Variants in KLRK1 observed in about 807,000 individuals in gnomAD.
KLRK1 encodes the protein killer cell lectin like receptor K1, also known as NKG2-D type II integral membrane protein.
In KLRK1, 40 loss-of-function variants were observed where a neutral mutation model predicts 31.3. That is an observed-to-expected ratio of 1.28 (90% CI 0.99 to 1.67). The LOEUF is 1.67. Ranked by LOEUF, KLRK1 falls within the 40% of genes most tolerant of loss-of-function variation. The pLI is 0.00. For synonymous variants in KLRK1, 77 were observed against 77.3 expected, an observed-to-expected ratio of 1.00 and a Z score of 0.02; for missense variants, 251 against 260.0, an observed-to-expected ratio of 0.97 and a Z score of 0.24.
At chr12:10,382,932 C>T (rs1863102561) in intron 3 of KLRK1, among the ~76,000 whole-genome samples, 1 of 151,864 alleles carries the variant, frequency 6.6e-6, no homozygotes. Flanking sequence ...AAGCTGTCAT[C>T]AGTATAAAAT....
intron 3 of KLRK1, among the ~76,000 whole-genome samples, chr12:10,385,599 G>C (rs1357959250): frequency 6.6e-6 from 1 of 152,000 alleles, no homozygotes; most frequent in Non-Finnish European, 1.5e-5. Context: ...GTTATTTAAG[G>C]CTAGAAAGAA....
chr12:10,386,454 G>T (rs1448841835), intron 3 of KLRK1, among the ~76,000 whole-genome samples: 1 of 151,824 alleles, frequency 6.6e-6, no homozygotes, highest in African/African-American at 2.4e-5. Flanking sequence ...CTATATAAAG[G>T]TCTATTACCA....
intron 2 of KLRK1, among the ~76,000 whole-genome samples, chr12:10,387,959 G>C (rs1013382207): frequency 2.0e-5 from 3 of 152,042 alleles, no homozygotes; most frequent in African/African-American, 7.2e-5. Flanking sequence ...GAATCATTTT[G>C]CTCTCTTGAA....
At position 10,374,661 on chromosome 12, in the gene KLRK1, G is replaced by C. The variant is rs1177194586; in HGVS notation, c.534-1430C>G. Among the ~76,000 whole-genome samples, 3 of 152,182 alleles carry C rather than the reference G, an allele frequency of 2.0e-5. No individual in the cohort carries two copies. In the East Asian group the frequency reaches 5.8e-4, roughly 29 times the overall value. On this transcript the variant is annotated intron_variant, in intron 7 of 7. Transcript: ENST00000240618. ...CCCAAAGTGCTGGGATCACAGGCGT[G>C]AGCCACTGCACCCGGCCTCATTCTT...
At chr12:10,381,661 T>C (rs1423375775) in intron 3 of KLRK1, among the ~76,000 whole-genome samples, 1 of 152,208 alleles carries the variant, frequency 6.6e-6, no homozygotes, top group Admixed American at 6.5e-5. Context: ...CTTTAGTGAT[T>C]ATCTTCTCAC....
intron 7 of KLRK1, chr12:10,373,897 A>T (rs1426011186): frequency 6.6e-6 from 1 of 152,270 alleles, no homozygotes. Context: ...TGACAAAAAA[A>T]TAAAAAGATT....
rs543109006 is a variant in KLRK1, at chr12:10,376,032, C to A, written c.533+2100G>T. Reference sequence around the variant, plus strand: ...AGAAATGTAAAGATATGCAGAAGGTCACCTTTGAATATTCAGCAGAGTACT... The same window carrying A: ...AGAAATGTAAAGATATGCAGAAGGTAACCTTTGAATATTCAGCAGAGTACT... On this transcript the variant is annotated intron_variant, in intron 7 of 7. Transcript: ENST00000240618. Among the ~76,000 whole-genome samples, 32 of 152,310 alleles carry A rather than the reference C, an allele frequency of 2.1e-4. No individual in the cohort carries two copies. In the South Asian group the frequency reaches 6.0e-3, roughly 29 times the overall value.
chr12:10,374,309 G>A (rs1040581822), intron 7 of KLRK1, among the ~76,000 whole-genome samples: 1 of 151,858 alleles, frequency 6.6e-6, no homozygotes, highest in African/African-American at 2.4e-5. Flanking sequence ...CACTGCACCC[G>A]GCCCCAGCTG....
Position 10,378,132 on chromosome 12 carries a change from A to T in KLRK1, c.533T>A (p.Leu178Gln). ...WEDGSILSPN[L>Q]LTIIEMQKGD... The stretch of plus-strand genomic sequence containing the variant: ...GAGACTCATTGGGTCAGAGACTTAC[A>T]GGTTGGGTGAGAGAATGGAGCCATC... Residue 178 changes from leucine (L) to glutamine (Q), a missense_variant and splice_region_variant, in exon 7 of 8, where the codon CTA (leucine) becomes CAA (glutamine). Transcript: ENST00000240618. The T allele has an allele frequency of 1.2e-6, 2 of 1,613,604 alleles. No homozygotes were observed. Among genetic ancestry groups the T allele is most frequent in the Non-Finnish European group, 8.5e-7 (1 of 1,179,790 alleles).
intron 7 of KLRK1, among the ~76,000 whole-genome samples, chr12:10,374,312 C>T (rs1370249218): frequency 6.6e-6 from 1 of 151,930 alleles, no homozygotes; most frequent in Non-Finnish European, 1.5e-5. Flanking sequence ...TGCACCCGGC[C>T]CCAGCTGAGA....
At chr12:10,376,874 C>T (rs997859615) in intron 7 of KLRK1, among the ~76,000 whole-genome samples, 18 of 151,900 alleles carry the variant, frequency 1.2e-4, no homozygotes, top group Non-Finnish European at 1.9e-4. Flanking sequence ...TGGAGTGCAG[C>T]GGCGCAATCT....
chr12:10,373,070 A>G lies in KLRK1; in HGVS notation c.*44T>C, dbSNP rs762065985. 1 of 1,560,242 alleles carries G rather than the reference A, an allele frequency of 6.4e-7. No individual in the cohort carries two copies. Among genetic ancestry groups the G allele is most frequent in the African/African-American group, 1.4e-5 (1 of 73,612 alleles). ...AGTTGGCAGTGTTACCGCTGGTGTA[A>G]TCTCTTCTCTGTTCCTGGCTTTTAT... On this transcript the variant is annotated 3_prime_UTR_variant, in exon 8 of 8. Coordinates refer to ENST00000240618, the MANE Select transcript of KLRK1 (RefSeq NM_007360.4).
Position 10,373,018 on chromosome 12 carries a change from CTGTTTT to C in KLRK1, c.*90_*95del, listed in dbSNP as rs1362675307. 2.8e-6 allele frequency: 3 copies of C among 1,078,888 alleles called. No homozygotes were observed. The Admixed American group carries it at 6.8e-5, about 24-fold the overall frequency. 66.8% of individuals were successfully genotyped at this position (1,078,888 alleles called of 1,614,324 possible). ...TCTGACAGTCTTTGGTCATTTTGTC[CTGTTTT>C]TGTTTGTTTCCTTTAGTCTCAGTTG... On this transcript the variant is annotated 3_prime_UTR_variant, in exon 8 of 8. Coordinates refer to ENST00000240618, the MANE Select transcript of KLRK1 (RefSeq NM_007360.4).
At position 10,379,325 on chromosome 12, in the gene KLRK1, T is replaced by C. The variant is rs904721470; in HGVS notation, c.277+122A>G. 29 of 389,214 alleles carry C rather than the reference T, an allele frequency of 7.5e-5. No homozygotes were observed. In the East Asian group the frequency reaches 1.3e-3, roughly 18 times the overall value. 24.1% of individuals were successfully genotyped at this position (389,214 alleles called of 1,614,324 possible). On this transcript the variant is annotated intron_variant, in intron 5 of 7. Coordinates refer to ENST00000240618, the MANE Select transcript of KLRK1 (RefSeq NM_007360.4). ...ATTGTTAAAAGGAAAACAGAAGCCA[T>C]AGTGTATTACAGACTAGAATTAATT...
At position 10,388,766 on chromosome 12, in the gene KLRK1, CATACCCCAGCT is replaced by C; in HGVS notation, c.34_40+4del. 1.9e-6 allele frequency: 3 copies of C among 1,613,638 alleles called. No individual in the cohort carries two copies. The highest frequency in any genetic ancestry group is 2.5e-6 in the Non-Finnish European group (3 of 1,179,896). On this transcript the variant is annotated splice_donor_variant and splice_donor_region_variant and coding_sequence_variant and intron_variant, in exon 2 of 8. Coordinates refer to ENST00000240618, the MANE Select transcript of KLRK1 (RefSeq NM_007360.4). LOFTEE classifies it high-confidence loss of function. Reference sequence around the variant, plus strand: ...AAACTACACACTTATGTGGTAAAAACATACCCCAGCTGTGTCGAGACCTCCGACCACGAATC... The same window carrying C: ...AAACTACACACTTATGTGGTAAAAACGTGTCGAGACCTCCGACCACGAATC...
chr12:10,376,630 T>TACTATAAGAAGACAGTAAATAATAA (rs1862971881), intron 7 of KLRK1, among the ~76,000 whole-genome samples: 1 of 151,730 alleles, frequency 6.6e-6, no homozygotes, highest in African/African-American at 2.4e-5. Flanking sequence ...AAATTTAACC[T>TACTATAAGAAGACAGTAAATAATAA]ACTATAAGAA....
intron 7 of KLRK1, among the ~76,000 whole-genome samples, chr12:10,373,732 T>C (rs1862906099): frequency 7.3e-6 from 1 of 136,468 alleles, no homozygotes; most frequent in Non-Finnish European, 1.7e-5. Context: ...GTTTAGGCAT[T>C]CCATGTGGAG....
In KLRK1 at chr12:10,389,620, CAATTTA is replaced by C. The variant is rs569843749; in HGVS notation, c.-66+317_-66+322del. On this transcript the variant is annotated intron_variant, in intron 1 of 7. Transcript: ENST00000240618. ...AGCATCAGAAAACTCAAAAATTTGA[CAATTTA>C]AATTGAATCTCAATTCTTCTCATCC... Among the ~76,000 whole-genome samples the C allele has an allele frequency of 2.1e-4, 32 of 152,188 alleles. No homozygotes were observed. The South Asian group carries it at 6.0e-3, about 29-fold the overall frequency.
chr12:10,386,416 T>A (rs1171368095), intron 3 of KLRK1, among the ~76,000 whole-genome samples: 1 of 152,040 alleles, frequency 6.6e-6, no homozygotes, highest in Non-Finnish European at 1.5e-5. Flanking sequence ...TAAGTGAGGG[T>A]CATCTGTTGT....
Sources: gnomAD v4.1 joint callset for allele counts (sites outside exome capture counted in the v4.1 genomes callset) on GRCh38, gnomAD v4.1.1 for gene constraint, MANE v1.5 for transcripts, NCBI Gene and HGNC (gene_info 2026-07-23, HGNC 2026-07-21) for gene names.